KANSL1L: variants seen among roughly 807,000 people sequenced by gnomAD.
KANSL1L encodes KAT8 regulatory NSL complex subunit 1 like.
In KANSL1L, 25 loss-of-function variants were observed where a neutral mutation model predicts 108.6. That is an observed-to-expected ratio of 0.23 (90% confidence interval 0.17 to 0.32). KANSL1L has a LOEUF of 0.32. Among genes scored for constraint, KANSL1L ranks in the 10% least tolerant of loss-of-function variants. KANSL1L has a pLI of 1.00. For synonymous variants in KANSL1L, 405 were observed against 395.1 expected (o/e 1.03, Z -0.30); for missense variants, 1,137 against 1,125.7 (o/e 1.01, Z -0.14).
chr2:210,125,222 C>A (rs2095055539), intron 3 of KANSL1L, among the ~76,000 whole-genome samples: 1 of 152,036 alleles, frequency 6.6e-6, no homozygotes, highest in Admixed American at 6.6e-5. Context: ...CCACGGCACT[C>A]CAGCCTGGGC....
At chr2:210,092,636 CT>C (rs907467851) in intron 5 of KANSL1L, among the ~76,000 whole-genome samples, 1 of 152,120 alleles carries the variant, frequency 6.6e-6, no homozygotes, top group African/African-American at 2.4e-5. Flanking sequence ...ACTTTATGAT[CT>C]TTTTTTGCTG....
chr2:210,152,201 C>T (rs997755224), intron 2 of KANSL1L: 5 of 152,090 alleles, frequency 3.3e-5, no homozygotes, highest in African/African-American at 4.8e-5. Context: ...GACTTCTTTC[C>T]CCCAAAATGC....
intron 2 of KANSL1L, among the ~76,000 whole-genome samples, chr2:210,150,558 A>G (rs13409887): frequency 0.98 from 149,603 of 152,226 alleles, 73,526 homozygotes; most frequent in East Asian, 1. Flanking sequence ...CAAGGTCAGC[A>G]GATTACCTGA....
At chr2:210,107,743 C>T (rs2094864232) in intron 3 of KANSL1L, among the ~76,000 whole-genome samples, 1 of 151,846 alleles carries the variant, frequency 6.6e-6, no homozygotes. Context: ...CCGTGTTAGC[C>T]AGGATGGTCT....
intron 6 of KANSL1L, among the ~76,000 whole-genome samples, chr2:210,059,822 A>C (rs1251201797): frequency 6.6e-6 from 1 of 151,932 alleles, no homozygotes; most frequent in Non-Finnish European, 1.5e-5. Flanking sequence ...GCTGACTGCA[A>C]CCTCCACCTC....
At chr2:210,100,783 G>A (rs187772295) in intron 4 of KANSL1L, among the ~76,000 whole-genome samples, 14 of 152,216 alleles carry the variant, frequency 9.2e-5, no homozygotes, top group Admixed American at 8.5e-4. Flanking sequence ...GACTACAGGT[G>A]TGTGCCACCA....
intron 5 of KANSL1L, among the ~76,000 whole-genome samples, chr2:210,080,510 G>A (rs2094581114): frequency 6.6e-6 from 1 of 152,074 alleles, no homozygotes; most frequent in Admixed American, 6.6e-5. Context: ...GGGCAACAAA[G>A]CGAGACCTTT....
chr2:210,050,262 A>C (rs1293334156), intron 6 of KANSL1L, among the ~76,000 whole-genome samples: 1 of 152,192 alleles, frequency 6.6e-6, no homozygotes, highest in Non-Finnish European at 1.5e-5. Flanking sequence ...AAGAACAAAA[A>C]ACATGGGAGA....
At chr2:210,029,967 T>G (rs1234727364) in intron 9 of KANSL1L, 49 bp from the exon 10 acceptor site, 2 of 840,990 alleles carry the variant, frequency 2.4e-6, no homozygotes, top group Non-Finnish European at 3.8e-6. Flanking sequence ...AAGTCTAATA[T>G]CATTAGAATT....
intron 8 of KANSL1L, among the ~76,000 whole-genome samples, chr2:210,038,835 G>C (rs1006113071): frequency 6.6e-6 from 1 of 151,860 alleles, no homozygotes. Context: ...GTAATTTGGG[G>C]AAGATTAGTC....
chr2:210,060,195 T>C (rs143409537), intron 6 of KANSL1L, among the ~76,000 whole-genome samples: 3 of 152,304 alleles, frequency 2.0e-5, no homozygotes, highest in African/African-American at 7.2e-5. Context: ...CAAATGAAAT[T>C]ATTATATGTA....
intron 5 of KANSL1L, among the ~76,000 whole-genome samples, chr2:210,087,892 A>G (rs1233985510): frequency 2.0e-5 from 3 of 152,216 alleles, no homozygotes. Flanking sequence ...ATTCCAAAGT[A>G]ATATTCTTAA....
intron 1 of KANSL1L, among the ~76,000 whole-genome samples, chr2:210,169,646 T>C (rs1012980161): frequency 1.3e-5 from 2 of 152,148 alleles, no homozygotes; most frequent in Admixed American, 1.3e-4. Context: ...AAGTTTCACA[T>C]AAAAAATTAC....
chr2:210,033,695 A>ATTTT (rs10679778), intron 8 of KANSL1L, among the ~76,000 whole-genome samples: 3,862 of 132,908 alleles, frequency 0.029, 104 homozygotes, highest in Non-Finnish European at 0.045. Context: ...ACGCCCGGCT[A>ATTTT]TTTTTTTTTT....
intron 6 of KANSL1L, among the ~76,000 whole-genome samples, chr2:210,062,066 A>G (rs1196522543): frequency 6.6e-6 from 1 of 152,206 alleles, no homozygotes; most frequent in East Asian, 1.9e-4. Flanking sequence ...TTAGAAGTTG[A>G]TATGGTTTAG....
At chr2:210,160,516 T>C (rs183002060) in intron 1 of KANSL1L, among the ~76,000 whole-genome samples, 4 of 152,294 alleles carry the variant, frequency 2.6e-5, no homozygotes, top group Non-Finnish European at 5.9e-5. Flanking sequence ...CATTTATATT[T>C]CTATATGCTA....
intron 3 of KANSL1L, among the ~76,000 whole-genome samples, chr2:210,107,961 C>G (rs1039184319): frequency 6.6e-6 from 1 of 152,200 alleles, no homozygotes; most frequent in Non-Finnish European, 1.5e-5. Context: ...CAGCATCTCT[C>G]AATCTCTTTC....
At chr2:210,092,889 T>C (rs1452454423) in intron 5 of KANSL1L, among the ~76,000 whole-genome samples, 1 of 151,932 alleles carries the variant, frequency 6.6e-6, no homozygotes, top group Non-Finnish European at 1.5e-5. Flanking sequence ...ATGTAAAAAG[T>C]CTCCACCATG....
chr2:210,061,027 G>C (rs2094414203), intron 6 of KANSL1L, among the ~76,000 whole-genome samples: 1 of 151,982 alleles, frequency 6.6e-6, no homozygotes, highest in South Asian at 2.1e-4. Context: ...TAAAACTCTG[G>C]GCTTTTCCCT....
Sources: allele counts gnomAD v4.1 joint callset (sites outside exome capture counted in the v4.1 genomes callset), GRCh38; gene constraint gnomAD v4.1.1; transcripts MANE v1.5; gene names NCBI Gene and HGNC (gene_info 2026-07-23, HGNC 2026-07-21).